STAT1: variants seen among roughly 807,000 people sequenced by gnomAD.
STAT1 encodes signal transducer and activator of transcription 1-alpha/beta.
Under a neutral mutation model 111.7 loss-of-function variants are expected in STAT1, and 24 were observed. The observed-to-expected ratio is 0.21, with a 90% CI of 0.16 to 0.30. The LOEUF (loss-of-function observed/expected upper bound fraction) is 0.30, where lower values mean the gene tolerates loss of function less well. Among genes scored for constraint, STAT1 ranks in the 10% least tolerant of loss-of-function variants. The pLI, the probability that STAT1 is intolerant of heterozygous loss-of-function variation, is 1.00. For synonymous variants in STAT1, 332 were observed against 326.5 expected (o/e 1.02, Z -0.18); for missense variants, 351 against 911.9 (o/e 0.38, Z 7.92).
rs1289707799 is a variant in STAT1 at position 190,998,757 on chromosome 2, T to C, written c.542-449A>G. On this transcript the variant is annotated intron_variant, in intron 7 of 24. Coordinates refer to ENST00000361099, the MANE Select transcript of STAT1 (RefSeq NM_007315.4). The surrounding 1 kb of genome is among the most constrained non-coding windows in gnomAD (Gnocchi z 4.1). Reference sequence around the variant, plus strand: ...TAGTAGTATCTGCCACTTAAGACACTGTCAGGTAATTACCTAAATAAATGT... The same window carrying C: ...TAGTAGTATCTGCCACTTAAGACACCGTCAGGTAATTACCTAAATAAATGT... Among the ~76,000 whole-genome samples the C allele has an allele frequency of 6.6e-6, 1 of 151,372 alleles. No homozygotes were observed. Among genetic ancestry groups the C allele is most frequent in the Non-Finnish European group, 1.5e-5 (1 of 67,890 alleles).
Position 190,997,364 on chromosome 2 carries a change from C to G in STAT1, c.785+492G>C, listed in dbSNP as rs184467281. 6.6e-6 allele frequency among the ~76,000 whole-genome samples: 1 copy of G among 152,344 alleles called. No individual in the cohort carries two copies. The highest frequency in any genetic ancestry group is 1.9e-4 in the East Asian group (1 of 5,184). ...GAATTATTACCATGTCTACATCCCC[C>G]CCTCCACACTGAGAACTCCTTGTTG... On this transcript the variant is annotated intron_variant, in intron 9 of 24. Transcript: ENST00000361099. The surrounding 1 kb of genome is among the most constrained non-coding windows in gnomAD (Gnocchi z 7.3).
chr2:190,974,000 C>A lies in STAT1; in HGVS notation c.2238+830G>T, dbSNP rs982516081. Among the ~76,000 whole-genome samples, 5 of 152,014 alleles carry A rather than the reference C, an allele frequency of 3.3e-5. No individual in the cohort carries two copies. The highest frequency in any genetic ancestry group is 1.2e-4 in the African/African-American group (5 of 41,372). ...TGAGCACCTACTTTTTGCCAGGCAC[C>A]GGGTATACAGTAAGGAAGAAAGGCC... On this transcript the variant is annotated intron_variant, in intron 24 of 24. Transcript: ENST00000361099. This position sits in a 1 kb window ranked among gnomAD's most constrained non-coding sequence, Gnocchi z 4.4.
In STAT1 at chr2:190,969,824, C is replaced by A. The variant is rs566313103; in HGVS notation, c.*879G>T. ...AGGACAAAGTAGCCCATTTAAGAAA[C>A]ATGAATTAAATTTCTGAGTTTATCT... On this transcript the variant is annotated 3_prime_UTR_variant, in exon 25 of 25. Coordinates refer to ENST00000361099, the MANE Select transcript of STAT1 (RefSeq NM_007315.4). 1 of 152,296 alleles carries A rather than the reference C, an allele frequency of 6.6e-6. No homozygotes were observed. The highest frequency in any genetic ancestry group is 2.1e-4 in the South Asian group (1 of 4,834). 9.4% of individuals were successfully genotyped at this position (152,296 alleles called of 1,614,324 possible).
chr2:191,013,440 A>G, intron 2 of STAT1, 85 bp downstream of exon 2: 1 of 392,218 alleles, frequency 2.5e-6, no homozygotes. Flanking sequence ...GAAGACATTA[A>G]GCCCTTCCAT....
At chr2:191,013,909 C>G (rs991651993) in intron 1 of STAT1, 109 bp downstream of exon 1, 2 of 365,676 alleles carry the variant, frequency 5.5e-6, no homozygotes, top group Non-Finnish European at 9.7e-6. Flanking sequence ...GATCACTATT[C>G]GCGGGTCAGC....
At chr2:190,994,645 G>A (rs1281132627) in intron 10 of STAT1, among the ~76,000 whole-genome samples, 1 of 152,056 alleles carries the variant, frequency 6.6e-6, no homozygotes, top group African/African-American at 2.4e-5. Flanking sequence ...TTGAGGCCAG[G>A]CACAGTGGCT....
Position 190,999,571 on chromosome 2 carries a change from G to A in STAT1, c.541+55C>T. ...AAGGAGTAATCATCTTCGTTATCTAGTGTGAACAGAAAAAATTGCAGCCAA... is the reference window on the plus strand; with the variant it reads ...AAGGAGTAATCATCTTCGTTATCTAATGTGAACAGAAAAAATTGCAGCCAA... On this transcript the variant is annotated intron_variant, in intron 7 of 24. Transcript: ENST00000361099. The surrounding 1 kb of genome is among the most constrained non-coding windows in gnomAD (Gnocchi z 4.1). 1.7e-6 allele frequency: 2 copies of A among 1,191,822 alleles called. No individual in the cohort carries two copies. Among genetic ancestry groups the A allele is most frequent in the Non-Finnish European group, 2.5e-6 (2 of 795,188 alleles). The allele number at this position is 1,191,822 out of a possible 1,614,324, so 73.8% of individuals were successfully genotyped here.
chr2:190,984,381 C>T lies in STAT1; in HGVS notation c.1276G>A (p.Val426Ile), dbSNP rs143182587. The change falls in exon 16 of 25, where the codon GTT becomes ATT. Residue 426 changes from valine to isoleucine, a missense_variant. By Grantham distance (29) the Val-to-Ile change is conservative (BLOSUM62 3). Around this residue, in one of 7 missense-constraint regions of STAT1, gnomAD observed 181 missense variants for 426.1 expected, o/e 0.42. Coordinates refer to ENST00000361099, the MANE Select transcript of STAT1 (RefSeq NM_007315.4). The surrounding 1 kb of genome is among the most constrained non-coding windows in gnomAD (Gnocchi z 5.2). Reference sequence around the variant, plus strand: ...CTAAGGGAGTGAAGCTCTTCAGTAACGATGAGAGGACCCTTGGAAGAGAAA... The same window carrying T: ...CTAAGGGAGTGAAGCTCTTCAGTAATGATGAGAGGACCCTTGGAAGAGAAA... The part of the protein sequence containing the change: ...GTRTNEGPLI[V>I]TEELHSLSFE... The T allele has an allele frequency of 1.2e-6, 2 of 1,613,380 alleles. No homozygotes were observed. The highest frequency in any genetic ancestry group is 1.7e-6 in the Non-Finnish European group (2 of 1,179,612).
chr2:190,975,769 G>T lies in STAT1; in HGVS notation c.2135+43C>A, dbSNP rs1691862717. ...ACAGGCCCCAGCCAGGAGCAAGGCT[G>T]GCTTGAGGTTTGTAAACATGTCACT... is the stretch of plus-strand genomic sequence containing the variant. On this transcript the variant is annotated intron_variant, in intron 23 of 24. Coordinates refer to ENST00000361099, the MANE Select transcript of STAT1 (RefSeq NM_007315.4). This position sits in a 1 kb window ranked among gnomAD's most constrained non-coding sequence, Gnocchi z 5.9. The T allele has an allele frequency of 6.2e-7, 1 of 1,613,284 alleles. No individual in the cohort carries two copies. Among genetic ancestry groups the T allele is most frequent in the South Asian group, 1.1e-5 (1 of 90,926 alleles).
rs1693125749 is a variant in STAT1 at position 190,989,269 on chromosome 2, C to T, written c.1097+346G>A. Among the ~76,000 whole-genome samples the T allele has an allele frequency of 6.6e-6, 1 of 152,206 alleles. No individual in the cohort carries two copies. The highest frequency in any genetic ancestry group is 1.5e-5 in the Non-Finnish European group (1 of 68,044). On this transcript the variant is annotated intron_variant, in intron 12 of 24. Transcript: ENST00000361099. The surrounding 1 kb of genome is among the most constrained non-coding windows in gnomAD (Gnocchi z 5.0). ...GACTTGCTGATTACAATCTCATATG[C>T]ACAAAGAGACACTCACTCTTTTGTT...
chr2:190,987,989 G>A lies in STAT1; in HGVS notation c.1098-921C>T, dbSNP rs1238646721. On this transcript the variant is annotated intron_variant, in intron 12 of 24. Coordinates refer to ENST00000361099, the MANE Select transcript of STAT1 (RefSeq NM_007315.4). This position sits in a 1 kb window ranked among gnomAD's most constrained non-coding sequence, Gnocchi z 4.0. ...CACAAGGGCCCGAAGCAGCTGAGAG[G>A]AGCTGAGCTGACGCAGAAGATGGTA... Among the ~76,000 whole-genome samples, 1 of 152,250 alleles carries A rather than the reference G, an allele frequency of 6.6e-6. No individual in the cohort carries two copies. The highest frequency in any genetic ancestry group is 1.5e-5 in the Non-Finnish European group (1 of 68,040).
rs16833160 is a variant in STAT1 at position 191,003,802 on chromosome 2, C to T, written c.373-2639G>A. On this transcript the variant is annotated intron_variant, in intron 5 of 24. Coordinates refer to ENST00000361099, the MANE Select transcript of STAT1 (RefSeq NM_007315.4). The surrounding 1 kb of genome is among the most constrained non-coding windows in gnomAD (Gnocchi z 4.0). ...GAACAGACTAATACAACTTCTAAGCCAGCAGGATGTGGGCACGGTGTCCTG... is the reference window on the plus strand; with the variant it reads ...GAACAGACTAATACAACTTCTAAGCTAGCAGGATGTGGGCACGGTGTCCTG... Among the ~76,000 whole-genome samples, 4,170 of 152,270 alleles carry T rather than the reference C, an allele frequency of 0.027. 172 individuals are homozygous for T. The highest frequency in any genetic ancestry group is 0.11 in the Admixed American group (1,722 of 15,286).
In STAT1 at chr2:190,981,198, G is replaced by A. The variant is rs1160575457; in HGVS notation, c.1583-529C>T. ...CACTGCCTTCCTCTGCTGCTCAGCA[G>A]AGCCCCCTCTCCCAAGGATCCTACA... is the stretch of plus-strand genomic sequence containing the variant. On this transcript the variant is annotated intron_variant, in intron 18 of 24. Coordinates refer to ENST00000361099, the MANE Select transcript of STAT1 (RefSeq NM_007315.4). This position sits in a 1 kb window ranked among gnomAD's most constrained non-coding sequence, Gnocchi z 4.1. Among the ~76,000 whole-genome samples the A allele has an allele frequency of 6.6e-6, 1 of 152,140 alleles. No homozygotes were observed. Among genetic ancestry groups the A allele is most frequent in the Non-Finnish European group, 1.5e-5 (1 of 68,032 alleles).
chr2:190,993,523 G>T lies in STAT1; in HGVS notation c.944+1538C>A. ...TTTCCAACCCCAGAGTCGCCAATCA[G>T]AAGTAATTTGAATAAATAATCAATT... is the stretch of plus-strand genomic sequence containing the variant. On this transcript the variant is annotated intron_variant, in intron 10 of 24. Coordinates refer to ENST00000361099, the MANE Select transcript of STAT1 (RefSeq NM_007315.4). The surrounding 1 kb of genome is among the most constrained non-coding windows in gnomAD (Gnocchi z 4.1). The T allele has an allele frequency of 1.4e-6, 1 of 718,582 alleles. No homozygotes were observed. Among genetic ancestry groups the T allele is most frequent in the East Asian group, 2.9e-5 (1 of 34,276 alleles). The allele number at this position is 718,582 out of a possible 1,614,324, so 44.5% of individuals were successfully genotyped here.
rs540152089 is a variant in STAT1 at position 190,989,172 on chromosome 2, G to A, written c.1097+443C>T. Among the ~76,000 whole-genome samples, 2 of 152,194 alleles carry A rather than the reference G, an allele frequency of 1.3e-5. No homozygotes were observed. The highest frequency in any genetic ancestry group is 4.8e-5 in the African/African-American group (2 of 41,444). ...TGGCAGCCTGGACGTTCAGCCTCGGGTTGGATCAGGGGCCTCTCCTTTGGG... is the reference window on the plus strand; with the variant it reads ...TGGCAGCCTGGACGTTCAGCCTCGGATTGGATCAGGGGCCTCTCCTTTGGG... On this transcript the variant is annotated intron_variant, in intron 12 of 24. Transcript: ENST00000361099. This position sits in a 1 kb window ranked among gnomAD's most constrained non-coding sequence, Gnocchi z 5.0.
In STAT1 at chr2:190,999,706, TACAA is replaced by T. The variant is rs773775483; in HGVS notation, c.463-6_463-3del. ...GCTCTTGATTTCATGCTCTATACACTACAAACAAAGATGTAAACATGTTTTCTAC... is the reference window on the plus strand; with the variant it reads ...GCTCTTGATTTCATGCTCTATACACTACAAAGATGTAAACATGTTTTCTAC... On this transcript the variant is annotated splice_polypyrimidine_tract_variant and splice_region_variant and intron_variant, in intron 6 of 24. Coordinates refer to ENST00000361099, the MANE Select transcript of STAT1 (RefSeq NM_007315.4). The surrounding 1 kb of genome is among the most constrained non-coding windows in gnomAD (Gnocchi z 4.1). The T allele has an allele frequency of 1.4e-4, 228 of 1,607,950 alleles. No individual in the cohort carries two copies. Among genetic ancestry groups the T allele is most frequent in the Non-Finnish European group, 1.7e-4 (196 of 1,174,682 alleles).
rs1659889746 is a variant in STAT1 at position 190,999,318 on chromosome 2, G to C, written c.541+308C>G. Among the ~76,000 whole-genome samples the C allele has an allele frequency of 6.6e-6, 1 of 152,146 alleles. No individual in the cohort carries two copies. Among genetic ancestry groups the C allele is most frequent in the Non-Finnish European group, 1.5e-5 (1 of 68,026 alleles). On this transcript the variant is annotated intron_variant, in intron 7 of 24. Coordinates refer to ENST00000361099, the MANE Select transcript of STAT1 (RefSeq NM_007315.4). The surrounding 1 kb of genome is among the most constrained non-coding windows in gnomAD (Gnocchi z 4.1). ...AAGTAGGGGTCACTGACCCCTAGGG[G>C]ACTTTTGGCAATCTCTGGAGACAGT... is the stretch of plus-strand genomic sequence containing the variant.
chr2:190,992,037 A>T lies in STAT1; in HGVS notation c.945-717T>A, dbSNP rs554800868. Among the ~76,000 whole-genome samples the T allele has an allele frequency of 2.6e-5, 4 of 152,332 alleles. No individual in the cohort carries two copies. In the East Asian group the frequency reaches 7.7e-4, roughly 29 times the overall value. On this transcript the variant is annotated intron_variant, in intron 10 of 24. Transcript: ENST00000361099. ...AACCAAGTACATTTTTTTAAATATT[A>T]CTTCCAATAAGTACGATATTTATTA...
chr2:190,990,237 C>T lies in STAT1; in HGVS notation c.1038-563G>A, dbSNP rs1693210014. Among the ~76,000 whole-genome samples the T allele has an allele frequency of 6.6e-6, 1 of 152,168 alleles. No individual in the cohort carries two copies. Among genetic ancestry groups the T allele is most frequent in the Non-Finnish European group, 1.5e-5 (1 of 68,036 alleles). On this transcript the variant is annotated intron_variant, in intron 11 of 24. Coordinates refer to ENST00000361099, the MANE Select transcript of STAT1 (RefSeq NM_007315.4). This position sits in a 1 kb window ranked among gnomAD's most constrained non-coding sequence, Gnocchi z 5.1. ...GGAGACCCCGGGGCTCTGTCTGCTC[C>T]GTTCAGTGGAGCAGGTGGATGGGAT...
Sources: allele counts gnomAD v4.1 joint callset (sites outside exome capture counted in the v4.1 genomes callset), GRCh38; gene constraint gnomAD v4.1.1; regional missense constraint gnomAD v4.1.1; non-coding constraint Gnocchi (gnomAD v3.1); transcripts MANE v1.5; gene names NCBI Gene and HGNC (gene_info 2026-07-23, HGNC 2026-07-21).